The following WDR27 variants were observed in gnomAD, a reference collection of about 807,000 sequenced individuals.
WDR27 encodes the protein WD repeat domain 27.
WDR27 carries 100 observed loss-of-function variants against 114.4 expected under a neutral mutation model. That is an observed-to-expected ratio of 0.87 (90% CI 0.74 to 1.03). The LOEUF (loss-of-function observed/expected upper bound fraction) is 1.03. Among genes scored for constraint, WDR27 ranks in the 50% least tolerant of loss-of-function variants. The pLI, the probability that WDR27 is intolerant of heterozygous loss-of-function variation, is 0.00. For synonymous variants in WDR27, 449 were observed against 423.1 expected (o/e 1.06, Z -0.75); for missense variants, 1,129 against 1,092.9 (o/e 1.03, Z -0.47).
chr6:169,684,409 G>A lies in WDR27; in HGVS notation c.189+4408C>T, dbSNP rs1366393996. ...CCCCGAGTCTCCAATAAAGGCCTGA[G>A]AAACAGTCTCACAGGCTGACTATGG... On this transcript the variant is annotated intron_variant, in intron 2 of 25. Transcript: ENST00000448612. The surrounding 1 kb of genome is among the most constrained non-coding windows in gnomAD (Gnocchi z 4.3). Among the ~76,000 whole-genome samples the A allele has an allele frequency of 6.6e-6, 1 of 152,140 alleles. No homozygotes were observed. Among genetic ancestry groups the A allele is most frequent in the Admixed American group, 6.5e-5 (1 of 15,280 alleles).
chr6:169,619,614 G>A (rs1562715004), intron 21 of WDR27, among the ~76,000 whole-genome samples: 2 of 152,122 alleles, frequency 1.3e-5, no homozygotes, highest in South Asian at 4.1e-4. Context: ...GGGCTTCCAG[G>A]CTCTAGGTAA....
chr6:169,686,290 G>A (rs929365242), intron 2 of WDR27, among the ~76,000 whole-genome samples: 10 of 151,894 alleles, frequency 6.6e-5, no homozygotes, highest in Non-Finnish European at 8.8e-5. Context: ...AAAGGAGAAA[G>A]ACAAAGGAAT....
chr6:169,540,498 C>T (rs1472528790), intron 25 of WDR27, among the ~76,000 whole-genome samples: 4 of 151,180 alleles, frequency 2.6e-5, no homozygotes, highest in Admixed American at 1.3e-4. Flanking sequence ...GGCGAGATCT[C>T]GGCTCACTGC....
the WDR27 span, among the ~76,000 whole-genome samples, chr6:169,430,750 GTCAT>G: frequency 6.6e-6 from 1 of 152,218 alleles, no homozygotes; most frequent in African/African-American, 2.4e-5. Context: ...TAAGCTGAAA[GTCAT>G]TCAAAGAAAC....
chr6:169,448,873 C>A, the WDR27 span, among the ~76,000 whole-genome samples: 2 of 152,152 alleles, frequency 1.3e-5, no homozygotes, highest in African/African-American at 2.4e-5. Flanking sequence ...CAGAGCCCGG[C>A]CCACCCTTGT....
chr6:169,696,446 A>G (rs549505190), intron 1 of WDR27, among the ~76,000 whole-genome samples: 1 of 152,332 alleles, frequency 6.6e-6, no homozygotes, highest in South Asian at 2.1e-4. Context: ...AATCCCACAC[A>G]TGCACCCAAA....
In WDR27 at chr6:169,598,517, T is replaced by TA. The variant is rs1429226864; in HGVS notation, c.2424+3701dup. ...AGCTCTCATGGCCTAATCCACCTCT[T>TA]AAAGTTCCCACCTCTGAATACTGCT... is the stretch of plus-strand genomic sequence containing the variant. On this transcript the variant is annotated intron_variant, in intron 23 of 25. Transcript: ENST00000448612. Among the ~76,000 whole-genome samples the TA allele has an allele frequency of 5.9e-5, 9 of 152,318 alleles. 1 individual carries two copies. The South Asian group carries it at 1.0e-3, about 18-fold the overall frequency.
intron 23 of WDR27, among the ~76,000 whole-genome samples, chr6:169,585,218 C>A (rs1246981338): frequency 6.6e-6 from 1 of 152,152 alleles, no homozygotes; most frequent in Admixed American, 6.5e-5. Flanking sequence ...TGGAAAAGCA[C>A]CTCAATATTG....
intron 9 of WDR27, among the ~76,000 whole-genome samples, chr6:169,661,902 A>G (rs985084875): frequency 6.6e-6 from 1 of 152,256 alleles, no homozygotes; most frequent in Non-Finnish European, 1.5e-5. Flanking sequence ...CAAATATGTA[A>G]TAATATTTCT....
intron 25 of WDR27, among the ~76,000 whole-genome samples, chr6:169,458,440 ACCC>A (rs1318274069): frequency 7.6e-6 from 1 of 130,806 alleles, no homozygotes; most frequent in Non-Finnish European, 1.6e-5. Flanking sequence ...AGCGCCCTTG[ACCC>A]TCCTTCAATT....
chr6:169,543,030 G>A (rs1797018751), intron 25 of WDR27, among the ~76,000 whole-genome samples: 1 of 151,910 alleles, frequency 6.6e-6, no homozygotes, highest in Non-Finnish European at 1.5e-5. Context: ...CAGAGTGAAG[G>A]TGCTAATCAG....
chr6:169,587,466 G>A (rs775433572), intron 23 of WDR27, among the ~76,000 whole-genome samples: 18 of 151,996 alleles, frequency 1.2e-4, no homozygotes, highest in Non-Finnish European at 1.6e-4. Context: ...TGATCCACCC[G>A]CCTTGGCCTC....
At chr6:169,460,238 C>G (rs1228273396) in intron 25 of WDR27, among the ~76,000 whole-genome samples, 3 of 152,104 alleles carry the variant, frequency 2.0e-5, no homozygotes, top group African/African-American at 7.2e-5. Context: ...AAAAGAATCA[C>G]TACTTTATGT....
chr6:169,583,512 TACACACACACACAC>T (rs145440232), intron 23 of WDR27, among the ~76,000 whole-genome samples: 7 of 38,858 alleles, frequency 1.8e-4, no homozygotes, highest in African/African-American at 3.3e-4. Context: ...TATGTATATA[TACACACACACACAC>T]ACACACACAC....
intron 25 of WDR27, among the ~76,000 whole-genome samples, chr6:169,459,144 A>C (rs1016679097): frequency 6.6e-6 from 1 of 152,206 alleles, no homozygotes; most frequent in African/African-American, 2.4e-5. Flanking sequence ...ATCTGATGGC[A>C]CTTCTACAGC....
At chr6:169,516,773 T>A (rs1160762792) in intron 25 of WDR27, among the ~76,000 whole-genome samples, 2 of 114,476 alleles carry the variant, frequency 1.7e-5, no homozygotes, top group African/African-American at 6.5e-5. Flanking sequence ...TGGCTGAGAG[T>A]TAAAGGCATG....
chr6:169,456,784 G>T (rs544780829), downstream of WDR27, among the ~76,000 whole-genome samples: 1 of 146,576 alleles, frequency 6.8e-6, no homozygotes, highest in Non-Finnish European at 1.5e-5. The surrounding 1 kb of genome is among the most constrained non-coding windows in gnomAD (Gnocchi z 4.0). Flanking sequence ...AGAGACCACG[G>T]TCACCACACA....
At chr6:169,607,393 TACACACACAC>T (rs199658563) in intron 22 of WDR27, among the ~76,000 whole-genome samples, 92 of 99,490 alleles carry the variant, frequency 9.2e-4, no homozygotes, top group African/African-American at 2.2e-3. Context: ...TGTGTGTGTA[TACACACACAC>T]ACACACACAC....
At chr6:169,690,254 G>A (rs1784139274) in intron 1 of WDR27, among the ~76,000 whole-genome samples, 1 of 152,214 alleles carries the variant, frequency 6.6e-6, no homozygotes, top group African/African-American at 2.4e-5. Context: ...CACCCATGCA[G>A]CCATCACACT....
Sources: allele counts gnomAD v4.1 joint callset (sites outside exome capture counted in the v4.1 genomes callset), GRCh38; gene constraint gnomAD v4.1.1; non-coding constraint Gnocchi (gnomAD v3.1); transcripts MANE v1.5; gene names NCBI Gene and HGNC (gene_info 2026-07-23, HGNC 2026-07-21).